Variants in RGS6 observed in about 807,000 individuals in gnomAD.
The protein encoded by RGS6 is regulator of G protein signaling 6.
A neutral mutation model predicts 78.5 loss-of-function variants in RGS6; 30 were observed. The ratio of observed to expected loss-of-function variants is 0.38; its 90% CI spans 0.29 to 0.52. The LOEUF (loss-of-function observed/expected upper bound fraction) is 0.52, where lower values mean the gene tolerates loss of function less well. Ranked by LOEUF, RGS6 falls within the 20% of genes least tolerant of loss-of-function variation. The probability of loss-of-function intolerance (pLI) is 0.85; values close to 1 mark genes in which losing one functional copy is unlikely to be tolerated. For missense variants in RGS6, 495 were observed against 609.7 expected, an observed-to-expected ratio of 0.81 and a Z score of 1.98; for synonymous variants, 206 against 206.0, an observed-to-expected ratio of 1.00 and a Z score of 0.00.
chr14:72,518,314 C>G (rs376392951), intron 14 of RGS6, 37 bp from the exon 15 acceptor site: 5 of 1,586,772 alleles, frequency 3.2e-6, no homozygotes, highest in Admixed American at 1.7e-5. Context: ...CGATGCTGAG[C>G]CCCCTGGAAC....
At chr14:72,546,942 A>G (rs1305046323) in intron 17 of RGS6, among the ~76,000 whole-genome samples, 1 of 152,112 alleles carries the variant, frequency 6.6e-6, no homozygotes, top group Non-Finnish European at 1.5e-5. Context: ...AGGTGCTCTC[A>G]CTTTACAAGC....
chr14:72,141,892 T>TA (rs201568114), intron 2 of RGS6, among the ~76,000 whole-genome samples: 25,331 of 145,508 alleles, frequency 0.17, 2,146 homozygotes, highest in South Asian at 0.24. Flanking sequence ...CATTTTACAT[T>TA]AAAAAAAAAA....
intron 2 of RGS6, among the ~76,000 whole-genome samples, chr14:72,276,522 C>T (rs1378716039): frequency 6.6e-6 from 1 of 152,056 alleles, no homozygotes; most frequent in Admixed American, 6.5e-5. Context: ...TTGCTGTGTC[C>T]CCACCCAACT....
intron 2 of RGS6, among the ~76,000 whole-genome samples, chr14:72,076,952 T>TATATATATATATATAAATGTTA (rs1567157548): frequency 1.4e-5 from 2 of 145,488 alleles, no homozygotes; most frequent in African/African-American, 5.1e-5. Context: ...CAGCCAAATT[T>TATATATATATATATAAATGTTA]TATATATATA....
intron 2 of RGS6, among the ~76,000 whole-genome samples, chr14:72,297,839 T>C (rs2065182430): frequency 6.6e-6 from 1 of 152,046 alleles, no homozygotes; most frequent in Non-Finnish European, 1.5e-5. Context: ...TACCTTTCAT[T>C]AAAATTATTC....
At chr14:71,886,942 G>C in the RGS6 span, among the ~76,000 whole-genome samples, 2 of 152,144 alleles carry the variant, frequency 1.3e-5, no homozygotes, top group African/African-American at 4.8e-5. Flanking sequence ...ACGAGGTCAG[G>C]AGTTCAAGAT....
intron 2 of RGS6, among the ~76,000 whole-genome samples, chr14:72,277,349 G>A (rs1346099040): frequency 1.2e-4 from 18 of 152,152 alleles, no homozygotes; most frequent in Admixed American, 1.0e-3. Flanking sequence ...TGTAATCCCA[G>A]CACTTTGGGA....
At chr14:72,088,643 T>C (rs1026942924) in intron 2 of RGS6, among the ~76,000 whole-genome samples, 3 of 152,092 alleles carry the variant, frequency 2.0e-5, no homozygotes, top group Non-Finnish European at 4.4e-5. Flanking sequence ...AGAGTGATCT[T>C]GTGAAGGCTT....
At position 72,132,781 on chromosome 14, in the gene RGS6, G is replaced by GT. The variant is rs767770941; in HGVS notation, c.84+167921dup. On this transcript the variant is annotated intron_variant, in intron 2 of 17. Coordinates refer to ENST00000553525, the MANE Select transcript of RGS6 (RefSeq NM_001204424.2). ...GGAAGTCAGACATGTTTTGTTTGTC[G>GT]TTTTTTTTTTTTTTTCTCTGTCAGA... Among the ~76,000 whole-genome samples, 828 of 132,518 alleles carry GT rather than the reference G, an allele frequency of 6.2e-3. 2 individuals carry two copies. Among genetic ancestry groups the GT allele is most frequent in the African/African-American group, 0.012 (431 of 36,230 alleles). The allele number at this position is 132,518 out of a possible 152,430, so 86.9% of individuals were successfully genotyped here.
intron 2 of RGS6, among the ~76,000 whole-genome samples, chr14:72,315,788 G>A (rs568081517): frequency 6.6e-6 from 1 of 152,298 alleles, no homozygotes; most frequent in South Asian, 2.1e-4. Context: ...CTAGTCCAGA[G>A]CCACATGGGC....
chr14:72,185,988 A>T (rs2097239107), intron 2 of RGS6, among the ~76,000 whole-genome samples: 1 of 152,248 alleles, frequency 6.6e-6, no homozygotes. Context: ...TTTCCTAACA[A>T]GTCATTGATC....
At chr14:72,297,299 T>C (rs2065033473) in intron 2 of RGS6, among the ~76,000 whole-genome samples, 1 of 152,166 alleles carries the variant, frequency 6.6e-6, no homozygotes, top group African/African-American at 2.4e-5. Context: ...AGCTTATCGA[T>C]TTCTACAAAA....
intron 2 of RGS6, among the ~76,000 whole-genome samples, chr14:72,108,995 G>A (rs977126060): frequency 1.3e-5 from 2 of 152,000 alleles, no homozygotes; most frequent in African/African-American, 4.8e-5. Flanking sequence ...TCACGTTTTA[G>A]AAAGAGACTT....
intron 2 of RGS6, among the ~76,000 whole-genome samples, chr14:72,044,880 A>C (rs28689642): frequency 6.0e-3 from 6 of 992 alleles, no homozygotes; most frequent in Non-Finnish European, 3.7e-3. Context: ...CTCAAAAAAC[A>C]AAAAAAACCA....
At chr14:72,060,809 T>C (rs1271844340) in intron 2 of RGS6, among the ~76,000 whole-genome samples, 2 of 152,226 alleles carry the variant, frequency 1.3e-5, no homozygotes, top group African/African-American at 4.8e-5. Flanking sequence ...CTAAAAAATG[T>C]AATGTAGTTT....
chr14:72,106,772 TG>T (rs1216472371), intron 2 of RGS6, among the ~76,000 whole-genome samples: 1 of 152,190 alleles, frequency 6.6e-6, no homozygotes, highest in African/African-American at 2.4e-5. Context: ...TTAGACCTGT[TG>T]GAGGTTCTCA....
chr14:72,466,648 A>T (rs1566917356), intron 7 of RGS6, among the ~76,000 whole-genome samples: 1 of 152,232 alleles, frequency 6.6e-6, no homozygotes, highest in Non-Finnish European at 1.5e-5. Context: ...CAGCCATTCC[A>T]TTTATAGGAC....
chr14:72,171,005 A>T (rs1598787008), intron 2 of RGS6, among the ~76,000 whole-genome samples: 1 of 152,330 alleles, frequency 6.6e-6, no homozygotes, highest in Non-Finnish European at 1.5e-5. Context: ...ATATTGAGAC[A>T]TCTAAAGTTA....
chr14:72,259,408 T>A (rs2057694433), intron 2 of RGS6, among the ~76,000 whole-genome samples: 2 of 152,132 alleles, frequency 1.3e-5, no homozygotes, highest in African/African-American at 4.8e-5. Context: ...TACTTGGCAT[T>A]TAGGCATCTG....
Sources: allele counts gnomAD v4.1 joint callset (sites outside exome capture counted in the v4.1 genomes callset), GRCh38; gene constraint gnomAD v4.1.1; transcripts MANE v1.5; gene names NCBI Gene and HGNC (gene_info 2026-07-23, HGNC 2026-07-21).